ZNF780B: variants seen among roughly 807,000 people sequenced by gnomAD.
ZNF780B encodes zinc finger protein 779.
A neutral mutation model predicts 74.1 loss-of-function variants in ZNF780B; 52 were observed. That is an observed-to-expected ratio of 0.70 (90% CI 0.56 to 0.88). The LOEUF (loss-of-function observed/expected upper bound fraction) is 0.88. ZNF780B is among the 40% of genes least tolerant of loss of function. ZNF780B has a pLI of 0.00. For missense variants in ZNF780B, 953 were observed against 1,007.6 expected, an observed-to-expected ratio of 0.95 and a Z score of 0.73; for synonymous variants, 315 against 324.3, an observed-to-expected ratio of 0.97 and a Z score of 0.31.
At chr19:40,055,021 T>C (rs1008630769) in intron 1 of ZNF780B, among the ~76,000 whole-genome samples, 3 of 152,232 alleles carry the variant, frequency 2.0e-5, no homozygotes, top group African/African-American at 7.2e-5. Context: ...CACAGACGAA[T>C]GGAAATCACC....
rs1324525175 is a variant in ZNF780B at position 40,035,457 on chromosome 19, T to C, written c.1402A>G (p.Thr468Ala). The C allele has an allele frequency of 1.2e-6, 2 of 1,614,206 alleles. No individual in the cohort carries two copies. The change falls in exon 5 of 5, where the codon ACT becomes GCT. Residue 468 changes from threonine to alanine, a missense_variant. Coordinates refer to ENST00000434248, the MANE Select transcript of ZNF780B (RefSeq NM_001005851.3). ...YQLIQHCQIH[T>A]GGKPFECKEC... ...TTACATTCAAAGGGTTTCCCACCAGTATGAATTTGGCAATGTTGAATAAGT... is the reference window on the plus strand; with the variant it reads ...TTACATTCAAAGGGTTTCCCACCAGCATGAATTTGGCAATGTTGAATAAGT...
chr19:40,036,248 A>T lies in ZNF780B; in HGVS notation c.611T>A (p.Leu204His), dbSNP rs1972304630. The T allele has an allele frequency of 6.2e-7, 1 of 1,611,916 alleles. No homozygotes were observed. Among genetic ancestry groups the T allele is most frequent in the African/African-American group, 1.3e-5 (1 of 74,780 alleles). ...CTGATGTCGAGTAAGTTGTATGTGAAGTTGAAAGGCTTTCCCACATTCTTT... is the reference window on the plus strand; with the variant it reads ...CTGATGTCGAGTAAGTTGTATGTGATGTTGAAAGGCTTTCCCACATTCTTT... ...KCKECGKAFQ[L>H]HIQLTRHQKF... Residue 204 changes from leucine to histidine, a missense_variant, in exon 5 of 5, where the codon CTT becomes CAT. Coordinates refer to ENST00000434248, the MANE Select transcript of ZNF780B (RefSeq NM_001005851.3).
chr19:40,054,548 T>A (rs1973393662), intron 1 of ZNF780B, among the ~76,000 whole-genome samples: 2 of 152,184 alleles, frequency 1.3e-5, no homozygotes, highest in South Asian at 4.1e-4. Context: ...CTGTCCTAGA[T>A]CATTTGAGCA....
chr19:40,034,928 T>C lies in ZNF780B; in HGVS notation c.1931A>G (p.Lys644Arg), dbSNP rs772270266. ...ACGATTAAAGGACTTCCCACATTCT[T>C]TACATTTAAATGGCTTCTCACCTGT... ...IHTGEKPFKC[K>R]ECGKSFNRVS... is the part of the protein sequence containing the mutation. The change falls in exon 5 of 5, where the codon AAA becomes AGA. Residue 644 changes from lysine to arginine, a missense_variant. Coordinates refer to ENST00000434248, the MANE Select transcript of ZNF780B (RefSeq NM_001005851.3). The C allele has an allele frequency of 4.8e-5, 77 of 1,613,956 alleles. No individual in the cohort carries two copies. The highest frequency in any genetic ancestry group is 3.3e-4 in the Middle Eastern group (2 of 6,082).
Position 40,034,570 on chromosome 19 carries a change from A to G in ZNF780B, c.2289T>C (p.Asn763=). The part of the protein sequence containing the change: ...FKCKECGKAF[N]RGSNLVQPQS... The stretch of plus-strand genomic sequence containing the variant: ...GAGGTTGAACAAGGTTTGAGCCACG[A>G]TTAAAGGCCTTCCCACACTCCTTAC... Residue 763 remains asparagine (N), a synonymous_variant, in exon 5 of 5, where the codon AAT becomes AAC. Transcript: ENST00000434248. 6.2e-7 allele frequency: 1 copy of G among 1,613,154 alleles called. No individual in the cohort carries two copies. Among genetic ancestry groups the G allele is most frequent in the East Asian group, 2.2e-5 (1 of 44,802 alleles).
chr19:40,036,063 G>C lies in ZNF780B; in HGVS notation c.796C>G (p.Gln266Glu), dbSNP rs765104338. 1 of 1,613,402 alleles carries C rather than the reference G, an allele frequency of 6.2e-7. No homozygotes were observed. The highest frequency in any genetic ancestry group is 8.5e-7 in the Non-Finnish European group (1 of 1,179,670). The change falls in exon 5 of 5, where the codon CAG (glutamine) becomes GAG (glutamate). Residue 266 changes from glutamine to glutamate, a missense_variant. Coordinates refer to ENST00000434248, the MANE Select transcript of ZNF780B (RefSeq NM_001005851.3). ...KSFNRSSNLT[Q>E]HQSIHAGVKP... ...ACACCAGCATGAATACTTTGATGCT[G>C]AGTAAGGTTTGAGCTACGATTAAAA...
At position 40,048,775 on chromosome 19, in the gene ZNF780B, C is replaced by T. The variant is rs1235468219; in HGVS notation, c.31G>A (p.Val11Met). MVHGSVTFRD[V>M]AIDFSQEEWE... is the part of the protein sequence containing the mutation. ...TCCTCCTGAGAGAAGTCAATGGCCA[C>T]ATCCCTGAATGTCACTGATCCCTGA... The change falls in exon 3 of 5, where the codon GTG becomes ATG. Residue 11 changes from valine to methionine, a missense_variant. Physicochemically the swap from Val to Met is conservative, Grantham distance 21 (BLOSUM62 1). Coordinates refer to ENST00000434248, the MANE Select transcript of ZNF780B (RefSeq NM_001005851.3). The T allele has an allele frequency of 3.7e-6, 6 of 1,614,050 alleles. No individual in the cohort carries two copies. The highest frequency in any genetic ancestry group is 1.1e-5 in the South Asian group (1 of 91,086).
chr19:40,055,585 G>A (rs1973456707), intron 1 of ZNF780B: 1 of 152,104 alleles, frequency 6.6e-6, no homozygotes, highest in South Asian at 2.1e-4. Flanking sequence ...CACTTCGTAC[G>A]AAATGAGAAG....
chr19:40,049,048 A>T, intron 2 of ZNF780B: 1 of 404,772 alleles, frequency 2.5e-6, no homozygotes, highest in Non-Finnish European at 4.4e-6. Flanking sequence ...ACATAACGAG[A>T]TGCACTCCCT....
chr19:40,056,166 T>C (rs1973491516), intron 1 of ZNF780B, 23 bp downstream of exon 1: 1 of 152,268 alleles, frequency 6.6e-6, no homozygotes, highest in South Asian at 2.1e-4. Context: ...CACCGATTTC[T>C]TCCTAGGACG....
intron 4 of ZNF780B, among the ~76,000 whole-genome samples, chr19:40,045,792 A>G (rs1599786067): frequency 6.6e-6 from 1 of 152,292 alleles, no homozygotes; most frequent in African/African-American, 2.4e-5. Context: ...ATTTGAGACC[A>G]GCCTGGCCAA....
intron 4 of ZNF780B, among the ~76,000 whole-genome samples, 154 bp from the exon 5 acceptor site, chr19:40,036,780 T>A (rs987369380): frequency 6.6e-6 from 1 of 152,170 alleles, no homozygotes; most frequent in Admixed American, 6.5e-5. Context: ...TTATGTAAGA[T>A]GGTGGTGTGC....
In ZNF780B at chr19:40,031,840, C is replaced by T. The variant is rs1248848505; in HGVS notation, c.*2517G>A. 2 of 269,836 alleles carry T rather than the reference C, an allele frequency of 7.4e-6. No individual in the cohort carries two copies. The highest frequency in any genetic ancestry group is 1.5e-5 in the Non-Finnish European group (2 of 133,208). 16.7% of individuals were successfully genotyped at this position (269,836 alleles called of 1,614,324 possible). A position where few individuals can be genotyped will look rare whatever the true frequency, so the allele number is the denominator to read the frequency against. On this transcript the variant is annotated 3_prime_UTR_variant, in exon 5 of 5. Transcript: ENST00000434248. ...TATAACTTTTCAGAGATGACAACGT[C>T]TCTCCATAGATTACTTACCCACTAC...
At position 40,035,891 on chromosome 19, in the gene ZNF780B, T is replaced by C. The variant is rs770657619; in HGVS notation, c.968A>G (p.His323Arg). Reference protein sequence around the residue: ...AFRYHYQLIEHCRIHTGEKPF... With the variant: ...AFRYHYQLIERCRIHTGEKPF... ...TTTCTCGCCAGTATGAATTCGGCAA[T>C]GTTCAATGAGTTGGTAATGATATCG... is the stretch of plus-strand genomic sequence containing the variant. The change falls in exon 5 of 5, where the codon CAT (histidine) becomes CGT (arginine). Residue 323 changes from histidine (H) to arginine (R), a missense_variant. His to Arg is a conservative substitution (Grantham distance 29). Transcript: ENST00000434248. The C allele has an allele frequency of 2.0e-5, 32 of 1,613,438 alleles. No homozygotes were observed. The highest frequency in any genetic ancestry group is 2.6e-5 in the Non-Finnish European group (31 of 1,179,910).
chr19:40,043,993 A>G (rs1457705588), intron 4 of ZNF780B, among the ~76,000 whole-genome samples: 3 of 152,224 alleles, frequency 2.0e-5, no homozygotes, highest in Non-Finnish European at 4.4e-5. Flanking sequence ...CATCTTCTGC[A>G]TCGCTCATGC....
intron 2 of ZNF780B, 37 bp downstream of exon 2, chr19:40,050,287 G>A (rs1973153438): frequency 1.3e-6 from 2 of 1,589,222 alleles, no homozygotes; most frequent in Admixed American, 1.7e-5. Flanking sequence ...TAACCTGAAA[G>A]TCACCATATT....
In ZNF780B at chr19:40,034,972, A is replaced by G. The variant is rs752243392; in HGVS notation, c.1887T>C (p.Asn629=). ...CACCTGTGTGAATGTTCTTATGGTG[A>G]TTAAGCTGGGTGTGAAGACTGAAGG... The part of the protein sequence containing the change: ...GKAFSLHTQL[N]HHKNIHTGEK... The change falls in exon 5 of 5, where the codon AAT becomes AAC. Residue 629 remains asparagine (N), a synonymous_variant. Coordinates refer to ENST00000434248, the MANE Select transcript of ZNF780B (RefSeq NM_001005851.3). 2 of 1,614,094 alleles carry G rather than the reference A, an allele frequency of 1.2e-6. No homozygotes were observed. Among genetic ancestry groups the G allele is most frequent in the South Asian group, 1.1e-5 (1 of 91,082 alleles).
In ZNF780B at chr19:40,032,254, C is replaced by T; in HGVS notation, c.*2103G>A. 1 of 361,500 alleles carries T rather than the reference C, an allele frequency of 2.8e-6. No individual in the cohort carries two copies. The highest frequency in any genetic ancestry group is 5.4e-6 in the Non-Finnish European group (1 of 185,128). The allele number at this position is 361,500 out of a possible 1,614,324, so 22.4% of individuals were successfully genotyped here. A position where few individuals can be genotyped will look rare whatever the true frequency, so the allele number is the denominator to read the frequency against. ...CTGGAGAAATAATAAAAAACAGAGG[C>T]CCAGGCTTATAAACTAGGGCTACAC... On this transcript the variant is annotated 3_prime_UTR_variant, in exon 5 of 5. Coordinates refer to ENST00000434248, the MANE Select transcript of ZNF780B (RefSeq NM_001005851.3).
At chr19:40,053,532 C>T (rs1973336314) in intron 1 of ZNF780B, among the ~76,000 whole-genome samples, 1 of 152,088 alleles carries the variant, frequency 6.6e-6, no homozygotes, top group African/African-American at 2.4e-5. Flanking sequence ...ATAGAACCAC[C>T]ATATGATCCA....
Sources: allele counts gnomAD v4.1 joint callset (sites outside exome capture counted in the v4.1 genomes callset), GRCh38; gene constraint gnomAD v4.1.1; transcripts MANE v1.5; gene names NCBI Gene and HGNC (gene_info 2026-07-23, HGNC 2026-07-21).